The following ITPRID2 variants were observed in gnomAD, a reference collection of about 807,000 sequenced individuals.
ITPRID2 encodes the protein protein ITPRID2.
Under a neutral mutation model 124.3 loss-of-function variants are expected in ITPRID2, and 60 were observed. The observed-to-expected ratio is 0.48, with a 90% CI of 0.39 to 0.60. The LOEUF is 0.60. Among genes scored for constraint, ITPRID2 ranks in the 20% least tolerant of loss-of-function variants. The pLI is 0.00. For synonymous variants in ITPRID2, 521 were observed against 542.9 expected (o/e 0.96, Z 0.56); for missense variants, 1,553 against 1,512.2 (o/e 1.03, Z -0.45).
intron 12 of ITPRID2, 29 bp from the exon 13 acceptor site, chr2:181,918,723 TAGA>T: frequency 6.2e-7 from 1 of 1,613,800 alleles, no homozygotes; most frequent in Non-Finnish European, 8.5e-7. Context: ...TTGTAGAATT[TAGA>T]AGTGTAATTT....
chr2:181,904,294 C>T lies in ITPRID2; in HGVS notation c.1413+1828C>T, dbSNP rs145525140. ...TTGACGTGAACATTTTTTTGAAGTA[C>T]AAGATTACATGCATTGGTGGAAGAA... On this transcript the variant is annotated intron_variant, in intron 8 of 17. Transcript: ENST00000431877. Among the ~76,000 whole-genome samples, 334 of 151,756 alleles carry T rather than the reference C, an allele frequency of 2.2e-3. 3 individuals carry two copies. The highest frequency in any genetic ancestry group is 7.6e-3 in the African/African-American group (313 of 41,382).
intron 16 of ITPRID2, among the ~76,000 whole-genome samples, chr2:181,925,690 C>T (rs1694793384): frequency 6.6e-6 from 1 of 152,180 alleles, no homozygotes; most frequent in African/African-American, 2.4e-5. Context: ...GCTGAAGGAG[C>T]TCACAGTACA....
At position 181,915,482 on chromosome 2, in the gene ITPRID2, A is replaced by G. The variant is rs766693552; in HGVS notation, c.1842A>G (p.Pro614=). ...GAACTAAACAGTCCACCTGTAGTCC[A>G]GGGGATCATATCATTGAAATTACTG... ...NTGTKQSTCS[P]GDHIIEITEV... The change falls in exon 11 of 18, where the codon CCA becomes CCG. Residue 614 remains proline (P), a synonymous_variant. Coordinates refer to ENST00000431877, the MANE Select transcript of ITPRID2 (RefSeq NM_001130445.3). 11 of 1,614,098 alleles carry G rather than the reference A, an allele frequency of 6.8e-6. No individual in the cohort carries two copies. Among genetic ancestry groups the G allele is most frequent in the South Asian group, 5.5e-5 (5 of 91,090 alleles).
Position 181,916,576 on chromosome 2 carries a change from T to C in ITPRID2, c.2787+149T>C, listed in dbSNP as rs1694071973. 6.7e-6 allele frequency: 7 copies of C among 1,052,310 alleles called. No individual in the cohort carries two copies. In the South Asian group the frequency reaches 8.6e-5, roughly 13 times the overall value. 65.2% of individuals were successfully genotyped at this position (1,052,310 alleles called of 1,614,324 possible). A position where few individuals can be genotyped will look rare whatever the true frequency, so the allele number is the denominator to read the frequency against. ...AACTTAATCTGCATCTGCCTTCGTT[T>C]TCTATCTTCCCTCCTGTTTCAAGGG... On this transcript the variant is annotated intron_variant, in intron 11 of 17. Transcript: ENST00000431877.
Position 181,910,816 on chromosome 2 carries a change from C to T in ITPRID2, c.1486+845C>T, listed in dbSNP as rs1693547199. ...TTTATTGCAATATGGTATTAAGAAA[C>T]AAGAGCTTCACTCTCACTCGGTCAC... On this transcript the variant is annotated intron_variant, in intron 9 of 17. Transcript: ENST00000431877. The surrounding 1 kb of genome is among the most constrained non-coding windows in gnomAD (Gnocchi z 4.1). 6.6e-6 allele frequency among the ~76,000 whole-genome samples: 1 copy of T among 151,956 alleles called. No homozygotes were observed. The highest frequency in any genetic ancestry group is 6.6e-5 in the Admixed American group (1 of 15,258).
chr2:181,900,455 G>A (rs764634615), intron 6 of ITPRID2, among the ~76,000 whole-genome samples: 2 of 152,226 alleles, frequency 1.3e-5, no homozygotes, highest in South Asian at 2.1e-4. Flanking sequence ...GACTGTGTTC[G>A]TTGGGGTTAG....
intron 16 of ITPRID2, among the ~76,000 whole-genome samples, chr2:181,925,992 G>A (rs529173805): frequency 3.3e-5 from 5 of 152,246 alleles, no homozygotes; most frequent in South Asian, 2.1e-4. Flanking sequence ...TTATGAAACC[G>A]ACGAGGTGTG....
At chr2:181,916,597 A>C in intron 11 of ITPRID2, 170 bp downstream of exon 11, 1 of 928,340 alleles carries the variant, frequency 1.1e-6, no homozygotes. Context: ...CTCCTGTTTC[A>C]AGGGAGAAGC....
chr2:181,918,370 T>A, intron 11 of ITPRID2: 1 of 1,298,680 alleles, frequency 7.7e-7, no homozygotes, highest in Non-Finnish European at 9.8e-7. Flanking sequence ...ACTATGTTCC[T>A]TCGCCTCCTC....
intron 9 of ITPRID2, among the ~76,000 whole-genome samples, chr2:181,911,236 A>G (rs1693579933): frequency 6.6e-6 from 1 of 152,202 alleles, no homozygotes; most frequent in South Asian, 2.1e-4. Context: ...TATCCTATGT[A>G]AGTATCTTAG....
intron 6 of ITPRID2, 139 bp from the exon 7 acceptor site, chr2:181,900,557 A>G (rs757317607): frequency 2.1e-5 from 14 of 657,116 alleles, no homozygotes; most frequent in African/African-American, 3.7e-5. Flanking sequence ...GGTAAAATAA[A>G]TAATGGTTTC....
intron 11 of ITPRID2, chr2:181,918,307 T>G: frequency 1.1e-5 from 12 of 1,140,216 alleles, no homozygotes; most frequent in Middle Eastern, 3.7e-4. Flanking sequence ...TGCGTTTTGA[T>G]TTTGTTTTTT....
chr2:181,896,981 GA>G lies in ITPRID2; in HGVS notation c.364+19del. On this transcript the variant is annotated intron_variant, in intron 4 of 17. Transcript: ENST00000431877. The surrounding 1 kb of genome is among the most constrained non-coding windows in gnomAD (Gnocchi z 4.3). ...GAGCTGAAGGTATGTTTGTTTGGAA[GA>G]ACTGTATTTTTGTGTAGTTTTCAAA... The G allele has an allele frequency of 6.2e-7, 1 of 1,607,356 alleles. No homozygotes were observed. The highest frequency in any genetic ancestry group is 1.1e-5 in the South Asian group (1 of 90,764).
intron 11 of ITPRID2, chr2:181,918,244 A>G: frequency 1.0e-6 from 1 of 971,876 alleles, no homozygotes; most frequent in Non-Finnish European, 1.2e-6. Context: ...TCTCCAGCAA[A>G]GTTAATAATC....
rs914505873 is a variant in ITPRID2 at position 181,922,131 on chromosome 2, A to G, written c.3394A>G (p.Thr1132Ala). ...TAACAGAAGAACTGGAGTACCTTCT[A>G]CTGCCTCAGTGGGCAAATCCAAAAC... ...HANRRTGVPS[T>A]ASVGKSKTPL... Residue 1132 changes from threonine to alanine, a missense_variant, in exon 16 of 18, where the codon ACT becomes GCT. By Grantham distance (58) the Thr-to-Ala change is moderately conservative (BLOSUM62 0). Coordinates refer to ENST00000431877, the MANE Select transcript of ITPRID2 (RefSeq NM_001130445.3). The G allele has an allele frequency of 1.9e-6, 3 of 1,614,122 alleles. No homozygotes were observed. Among genetic ancestry groups the G allele is most frequent in the Admixed American group, 1.7e-5 (1 of 60,010 alleles).
At chr2:181,911,498 TTAGTC>T (rs1406551609) in intron 9 of ITPRID2, among the ~76,000 whole-genome samples, 7 of 152,332 alleles carry the variant, frequency 4.6e-5, no homozygotes, top group Non-Finnish European at 7.3e-5. Flanking sequence ...AATATTTTCT[TTAGTC>T]TAGGAGAGAA....
chr2:181,918,569 G>A, intron 11 of ITPRID2, 29 bp from the exon 12 acceptor site: 1 of 1,611,980 alleles, frequency 6.2e-7, no homozygotes, highest in Non-Finnish European at 8.5e-7. Context: ...TTTAACATTG[G>A]TTTTAATCCT....
intron 8 of ITPRID2, among the ~76,000 whole-genome samples, chr2:181,909,454 G>A (rs570585415): frequency 7.0e-4 from 106 of 152,190 alleles, no homozygotes; most frequent in African/African-American, 2.4e-3. Context: ...GAAGTTTAAC[G>A]TATAGAGAAC....
In ITPRID2 at chr2:181,892,158, G is replaced by A. The variant is rs1381167768; in HGVS notation, c.92G>A (p.Arg31His). 2 of 1,555,420 alleles carry A rather than the reference G, an allele frequency of 1.3e-6. No homozygotes were observed. The highest frequency in any genetic ancestry group is 1.7e-6 in the Non-Finnish European group (2 of 1,149,692). The change falls in exon 1 of 18, where the codon CGC (arginine) becomes CAC (histidine). Residue 31 changes from arginine (R) to histidine (H), a missense_variant. Coordinates refer to ENST00000431877, the MANE Select transcript of ITPRID2 (RefSeq NM_001130445.3). This position sits in a 1 kb window ranked among gnomAD's most constrained non-coding sequence, Gnocchi z 5.2. Reference sequence around the variant, plus strand: ...AGGAGGAAGGCCTGGGCCAAGTGCCGCAGCTCCTGGCAAGCGTCGGAGACG... The same window carrying A: ...AGGAGGAAGGCCTGGGCCAAGTGCCACAGCTCCTGGCAAGCGTCGGAGACG... Reference protein sequence around the residue: ...SRRRKAWAKCRSSWQASETED... With the variant: ...SRRRKAWAKCHSSWQASETED...
Sources: allele counts gnomAD v4.1 joint callset (sites outside exome capture counted in the v4.1 genomes callset), GRCh38; gene constraint gnomAD v4.1.1; non-coding constraint Gnocchi (gnomAD v3.1); transcripts MANE v1.5; gene names NCBI Gene and HGNC (gene_info 2026-07-23, HGNC 2026-07-21).